MCUB: variants seen among roughly 807,000 people sequenced by gnomAD.
MCUB encodes calcium uniporter regulatory subunit MCUb, mitochondrial.
A neutral mutation model predicts 41.4 loss-of-function variants in MCUB; 46 were observed. The ratio of observed to expected loss-of-function variants is 1.11; its 90% confidence interval spans 0.88 to 1.42. The LOEUF (loss-of-function observed/expected upper bound fraction) is 1.42. MCUB is among the 40% of genes most tolerant of loss of function. The probability of loss-of-function intolerance (pLI) is 0.00; values close to 1 mark genes in which losing one functional copy is unlikely to be tolerated. For synonymous variants in MCUB, 148 were observed against 148.2 expected (o/e 1.00, Z 0.01); for missense variants, 403 against 404.9 (o/e 1.00, Z 0.04).
intron 1 of MCUB, among the ~76,000 whole-genome samples, chr4:109,616,288 T>G (rs1331634527): frequency 1.3e-5 from 2 of 152,250 alleles, no homozygotes; most frequent in Non-Finnish European, 2.9e-5. Flanking sequence ...TTATTTTAAC[T>G]GCTTTATCTT....
intron 7 of MCUB, among the ~76,000 whole-genome samples, chr4:109,686,220 C>T (rs941023125): frequency 5.3e-5 from 8 of 152,148 alleles, no homozygotes; most frequent in Non-Finnish European, 1.5e-5. Flanking sequence ...TCACTGCAAC[C>T]TCCGCCTCCT....
intron 1 of MCUB, among the ~76,000 whole-genome samples, chr4:109,576,698 T>G (rs1727038618): frequency 6.6e-6 from 1 of 152,140 alleles, no homozygotes; most frequent in African/African-American, 2.4e-5. Context: ...GAGGGAAGTT[T>G]ATACACAAAG....
At chr4:109,562,881 G>GAA (rs67010659) in intron 1 of MCUB, among the ~76,000 whole-genome samples, 12,028 of 149,756 alleles carry the variant, frequency 0.08, 615 homozygotes, top group Middle Eastern at 0.18. Context: ...TGGGTGAGGG[G>GAA]AAAAAAAAAC....
At chr4:109,568,071 T>TG (rs201019224) in intron 1 of MCUB, among the ~76,000 whole-genome samples, 11 of 151,832 alleles carry the variant, frequency 7.2e-5, no homozygotes, top group South Asian at 2.1e-4. Flanking sequence ...ACCATAAACC[T>TG]GGGGGGGAAA....
intron 1 of MCUB, among the ~76,000 whole-genome samples, chr4:109,600,456 A>G (rs1410803585): frequency 6.6e-6 from 1 of 152,172 alleles, no homozygotes; most frequent in East Asian, 1.9e-4. Context: ...CTAACTTTCC[A>G]CTTTCTGCTT....
intron 1 of MCUB, among the ~76,000 whole-genome samples, chr4:109,576,883 A>T (rs371880960): frequency 5.9e-5 from 9 of 152,078 alleles, no homozygotes; most frequent in African/African-American, 2.2e-4. Flanking sequence ...ATGGAGTCTC[A>T]CTTTGTTGCC....
At chr4:109,619,772 C>T (rs1728214446) in intron 1 of MCUB, among the ~76,000 whole-genome samples, 3 of 152,096 alleles carry the variant, frequency 2.0e-5, no homozygotes, top group African/African-American at 4.8e-5. Context: ...ATTTTGGGGA[C>T]ATGTTGCTTC....
intron 1 of MCUB, among the ~76,000 whole-genome samples, chr4:109,638,133 A>G (rs556122162): frequency 3.5e-4 from 54 of 152,304 alleles, no homozygotes; most frequent in African/African-American, 1.3e-3. Flanking sequence ...AGGCAAGAGG[A>G]TCACTTTAGC....
chr4:109,567,988 C>T lies in MCUB; in HGVS notation c.99+7552C>T, dbSNP rs144958942. On this transcript the variant is annotated intron_variant, in intron 1 of 7. Transcript: ENST00000394650. ...TGCTGGGATTACAGGTGTGGGCCAC[C>T]GCTCCTGGCCTGAACAGGGGATTTA... Among the ~76,000 whole-genome samples the T allele has an allele frequency of 3.5e-3, 535 of 152,192 alleles. 3 individuals are homozygous for T. The highest frequency in any genetic ancestry group is 0.012 in the African/African-American group (486 of 41,520).
At chr4:109,679,640 GA>G (rs1239993576) in intron 4 of MCUB, among the ~76,000 whole-genome samples, 2 of 152,196 alleles carry the variant, frequency 1.3e-5, no homozygotes, top group Non-Finnish European at 2.9e-5. Context: ...GGGAGTGGGA[GA>G]GGGGGAAACA....
chr4:109,686,723 T>TA (rs1421081656), intron 7 of MCUB, among the ~76,000 whole-genome samples: 2 of 152,148 alleles, frequency 1.3e-5, no homozygotes, highest in East Asian at 3.9e-4. Flanking sequence ...AATTTGTTTT[T>TA]AAATTAGCTG....
chr4:109,641,203 C>T (rs1728707094), intron 1 of MCUB, among the ~76,000 whole-genome samples: 2 of 151,970 alleles, frequency 1.3e-5, no homozygotes, highest in African/African-American at 4.8e-5. Flanking sequence ...CGCCATTCTC[C>T]TGCCTCAGCC....
intron 1 of MCUB, among the ~76,000 whole-genome samples, chr4:109,581,247 T>G (rs1404345078): frequency 6.6e-6 from 1 of 152,184 alleles, no homozygotes; most frequent in African/African-American, 2.4e-5. Flanking sequence ...AACTATCTGT[T>G]CTTTGACAAA....
intron 1 of MCUB, among the ~76,000 whole-genome samples, chr4:109,647,480 T>C (rs1223473573): frequency 6.6e-6 from 1 of 152,230 alleles, no homozygotes; most frequent in Non-Finnish European, 1.5e-5. Flanking sequence ...AATATGCATT[T>C]AAGGTTCCTC....
At chr4:109,605,448 A>G (rs1023927162) in intron 1 of MCUB, among the ~76,000 whole-genome samples, 1 of 152,208 alleles carries the variant, frequency 6.6e-6, no homozygotes, top group East Asian at 1.9e-4. Flanking sequence ...GTGACCTAGC[A>G]TATTATCTAT....
At chr4:109,630,247 G>A (rs1728445702) in intron 1 of MCUB, among the ~76,000 whole-genome samples, 1 of 152,118 alleles carries the variant, frequency 6.6e-6, no homozygotes, top group South Asian at 2.1e-4. Context: ...CATCACTTGA[G>A]GCAGGAATTC....
chr4:109,574,667 T>C lies in MCUB; in HGVS notation c.99+14231T>C, dbSNP rs114858009. 4.0e-3 allele frequency among the ~76,000 whole-genome samples: 611 copies of C among 152,298 alleles called. 3 individuals carry two copies. The highest frequency in any genetic ancestry group is 0.014 in the African/African-American group (569 of 41,558). ...CAAAAAGGGAGAATTTGAGGGCATATACAAGACGTTAATAACCATCATATG... is the reference window on the plus strand; with the variant it reads ...CAAAAAGGGAGAATTTGAGGGCATACACAAGACGTTAATAACCATCATATG... On this transcript the variant is annotated intron_variant, in intron 1 of 7. Coordinates refer to ENST00000394650, the MANE Select transcript of MCUB (RefSeq NM_017918.5).
At chr4:109,566,136 G>A (rs1441793915) in intron 1 of MCUB, among the ~76,000 whole-genome samples, 10 of 150,824 alleles carry the variant, frequency 6.6e-5, no homozygotes, top group African/African-American at 1.9e-4. Context: ...GATTACAGGC[G>A]TGAGCCACTG....
intron 1 of MCUB, among the ~76,000 whole-genome samples, chr4:109,560,782 A>G (rs376133147): frequency 6.6e-6 from 1 of 152,070 alleles, no homozygotes; most frequent in Non-Finnish European, 1.5e-5. Context: ...GCTCTCGGTC[A>G]GGAGCAAGTT....
Sources: allele counts gnomAD v4.1 joint callset (sites outside exome capture counted in the v4.1 genomes callset), GRCh38; gene constraint gnomAD v4.1.1; transcripts MANE v1.5; gene names NCBI Gene and HGNC (gene_info 2026-07-23, HGNC 2026-07-21).